Variants in PRDM4 observed in about 807,000 individuals in gnomAD.
PRDM4 encodes the protein PR domain zinc finger protein 4.
In PRDM4, 38 loss-of-function variants were observed where a neutral mutation model predicts 62.3. That is an observed-to-expected ratio of 0.61 (90% CI 0.47 to 0.80). The LOEUF is 0.80. Among genes scored for constraint, PRDM4 ranks in the 30% least tolerant of loss-of-function variants. PRDM4 has a pLI of 0.00. For missense variants in PRDM4, 858 were observed against 997.1 expected (o/e 0.86, Z 1.88); for synonymous variants, 339 against 348.2 (o/e 0.97, Z 0.30).
intron 6 of PRDM4, 61 bp downstream of exon 6, chr12:107,746,214 C>A: frequency 6.3e-7 from 1 of 1,575,064 alleles, no homozygotes; most frequent in South Asian, 1.2e-5. Context: ...TCCACTTTTA[C>A]AACTCTACGC....
chr12:107,740,794 G>A (rs1890492941), intron 10 of PRDM4, 152 bp downstream of exon 10: 1 of 775,758 alleles, frequency 1.3e-6, no homozygotes, highest in East Asian at 2.7e-5. Context: ...ATAATTGGAA[G>A]TGACAGCCTC....
At position 107,733,426 on chromosome 12, in the gene PRDM4, T is replaced by G. The variant is rs964888153; in HGVS notation, c.*784A>C. 1 of 152,212 alleles carries G rather than the reference T, an allele frequency of 6.6e-6. No individual in the cohort carries two copies. Among genetic ancestry groups the G allele is most frequent in the Non-Finnish European group, 1.5e-5 (1 of 68,072 alleles). The allele number at this position is 152,212 out of a possible 1,614,324, so 9.4% of individuals were successfully genotyped here. Reference sequence around the variant, plus strand: ...TCTGTATCTCCAGGCCCCCTTTGTCTGAATGGCTGGATGTTTACTGGAGAC... The same window carrying G: ...TCTGTATCTCCAGGCCCCCTTTGTCGGAATGGCTGGATGTTTACTGGAGAC... On this transcript the variant is annotated 3_prime_UTR_variant, in exon 12 of 12. Transcript: ENST00000228437.
At chr12:107,742,011 G>A (rs999962863) in intron 9 of PRDM4, among the ~76,000 whole-genome samples, 5 of 152,126 alleles carry the variant, frequency 3.3e-5, no homozygotes, top group South Asian at 2.1e-4. Context: ...ATAAAAGACC[G>A]TATCATATGA....
At chr12:107,738,056 C>T (rs1890389923) in intron 11 of PRDM4, 1 of 152,184 alleles carries the variant, frequency 6.6e-6, no homozygotes, top group Non-Finnish European at 1.5e-5. Context: ...AGGCTGGAGT[C>T]AGAGATCAGG....
In PRDM4 at chr12:107,760,684, G is replaced by A; in HGVS notation, c.-169C>T. On this transcript the variant is annotated 5_prime_UTR_variant, in exon 2 of 12. Coordinates refer to ENST00000228437, the MANE Select transcript of PRDM4 (RefSeq NM_012406.4). ...GCCGCCCAACTTCTCCCGAGGGCCG[G>A]TGGCCGTGCACCCCGCCACGGGTTG... The A allele has an allele frequency of 1.4e-6, 1 of 733,822 alleles. No individual in the cohort carries two copies. Among genetic ancestry groups the A allele is most frequent in the South Asian group, 1.8e-5 (1 of 54,080 alleles). The allele number at this position is 733,822 out of a possible 1,614,324, so 45.5% of individuals were successfully genotyped here.
chr12:107,744,407 T>C (rs1338905819), intron 7 of PRDM4, 136 bp downstream of exon 7: 9 of 990,388 alleles, frequency 9.1e-6, no homozygotes, highest in Non-Finnish European at 1.3e-5. Context: ...TTTAAAAAAA[T>C]GTACGTGAAA....
chr12:107,735,766 T>G (rs1890308574), intron 11 of PRDM4, among the ~76,000 whole-genome samples: 1 of 151,794 alleles, frequency 6.6e-6, no homozygotes, highest in Non-Finnish European at 1.5e-5. Context: ...TTAGCTTTTT[T>G]TTTTTTTTTG....
At chr12:107,750,469 A>G (rs1012220818) in intron 5 of PRDM4, among the ~76,000 whole-genome samples, 1 of 152,128 alleles carries the variant, frequency 6.6e-6, no homozygotes, top group African/African-American at 2.4e-5. Context: ...ACTTGAGCCC[A>G]GGAGGTCGAG....
chr12:107,738,647 A>G (rs973606466), intron 11 of PRDM4, among the ~76,000 whole-genome samples: 1 of 152,180 alleles, frequency 6.6e-6, no homozygotes, highest in Non-Finnish European at 1.5e-5. Flanking sequence ...GGATTCATGC[A>G]ATAAATACCT....
chr12:107,756,531 C>G (rs1891071291), intron 3 of PRDM4, among the ~76,000 whole-genome samples: 1 of 152,144 alleles, frequency 6.6e-6, no homozygotes, highest in Non-Finnish European at 1.5e-5. Context: ...AAGTGTGAAC[C>G]AGATGAATGG....
chr12:107,744,496 C>T, intron 7 of PRDM4, 47 bp downstream of exon 7: 2 of 1,586,768 alleles, frequency 1.3e-6, no homozygotes, highest in Non-Finnish European at 1.7e-6. Context: ...CTACCTCTTA[C>T]TAAGAAAAAC....
At position 107,756,873 on chromosome 12, in the gene PRDM4, C is replaced by T. The variant is rs1891081227; in HGVS notation, c.104G>A (p.Gly35Glu). The part of the protein sequence containing the change: ...NALPVSGSHL[G>E]LAASPTHSAI... ...ACTGTGAGTGGGTGAGGCAGCCAAT[C>T]CCAGGTGACTTCCTGAGACTGGCAA... The change falls in exon 3 of 12, where the codon GGA (glycine) becomes GAA (glutamate). Residue 35 changes from glycine to glutamate, a missense_variant. Physicochemically the swap from Gly to Glu is moderately conservative, Grantham distance 98. This residue lies in a region of PRDM4 where 499 missense variants were observed against 546.7 expected (regional missense o/e 0.91). Transcript: ENST00000228437. The T allele has an allele frequency of 6.2e-7, 1 of 1,614,034 alleles. No homozygotes were observed. Among genetic ancestry groups the T allele is most frequent in the Admixed American group, 1.7e-5 (1 of 60,002 alleles).
At position 107,752,023 on chromosome 12, in the gene PRDM4, T is replaced by A; in HGVS notation, c.518A>T (p.His173Leu). The stretch of plus-strand genomic sequence containing the variant: ...ACTGGGATGAAGACTTTGGGCACCA[T>A]GTGTGTTCACAGAGCGAGAGTCTAT... ...VSIDSRSVNT[H>L]GAQSLHPSDG... Residue 173 changes from histidine to leucine, a missense_variant, in exon 5 of 12, where the codon CAT becomes CTT. His to Leu is a moderately conservative substitution (Grantham distance 99). Coordinates refer to ENST00000228437, the MANE Select transcript of PRDM4 (RefSeq NM_012406.4). 6.2e-7 allele frequency: 1 copy of A among 1,614,192 alleles called. No homozygotes were observed. Among genetic ancestry groups the A allele is most frequent in the Non-Finnish European group, 8.5e-7 (1 of 1,180,000 alleles).
Position 107,733,004 on chromosome 12 carries a change from G to A in PRDM4, c.*1206C>T, listed in dbSNP as rs1382831579. The A allele has an allele frequency of 6.6e-6, 1 of 152,658 alleles. No homozygotes were observed. The highest frequency in any genetic ancestry group is 2.4e-5 in the African/African-American group (1 of 41,452). 9.5% of individuals were successfully genotyped at this position (152,658 alleles called of 1,614,324 possible). On this transcript the variant is annotated 3_prime_UTR_variant, in exon 12 of 12. Transcript: ENST00000228437. ...TACTCCAGCCCAGAGGTTGTGCCTT[G>A]AGCAGGAGAGCATGTTCCATCAATC...
At chr12:107,739,784 A>G in intron 10 of PRDM4, 1 of 332,676 alleles carries the variant, frequency 3.0e-6, no homozygotes, top group Admixed American at 4.5e-5. Flanking sequence ...TCTGACCTAA[A>G]TATGTATTTT....
intron 11 of PRDM4, 73 bp downstream of exon 11, chr12:107,739,310 A>G (rs1566092509): frequency 2.4e-5 from 36 of 1,524,956 alleles, no homozygotes; most frequent in Middle Eastern, 2.4e-4. Flanking sequence ...CAGCCCTTCA[A>G]TCAGCAGGTG....
chr12:107,751,823 C>G lies in PRDM4; in HGVS notation c.718G>C (p.Val240Leu), dbSNP rs371572207. Reference protein sequence around the residue: ...RSHEPLSVDSVSNNLAADAVG... With the variant: ...RSHEPLSVDSLSNNLAADAVG... ...GCGTCTGCTGCAAGGTTGTTGCTCA[C>G]AGAATCCACAGACAGAGGTTCATGA... Residue 240 changes from valine to leucine, a missense_variant, in exon 5 of 12, where the codon GTG becomes CTG. This residue lies in a region of PRDM4 where 499 missense variants were observed against 546.7 expected (regional missense o/e 0.91). Transcript: ENST00000228437. The G allele has an allele frequency of 6.2e-6, 10 of 1,614,256 alleles. No individual in the cohort carries two copies. The highest frequency in any genetic ancestry group is 1.1e-5 in the South Asian group (1 of 91,088).
At chr12:107,757,007 C>G (rs748147713) in intron 2 of PRDM4, 42 bp from the exon 3 acceptor site, 1 of 1,603,176 alleles carries the variant, frequency 6.2e-7, no homozygotes, top group South Asian at 1.1e-5. Context: ...AAAATTTACT[C>G]CAATGACTCT....
In PRDM4 at chr12:107,743,185, G is replaced by A. The variant is rs1487180879; in HGVS notation, c.1481+12C>T. ...ATGGTAACTATTTTTTCTCATCCAA[G>A]ACTACTCATACCTGGCTTTGCGCAC... On this transcript the variant is annotated intron_variant, in intron 8 of 11. Coordinates refer to ENST00000228437, the MANE Select transcript of PRDM4 (RefSeq NM_012406.4). The A allele has an allele frequency of 3.8e-6, 6 of 1,584,696 alleles. No homozygotes were observed. The highest frequency in any genetic ancestry group is 2.2e-5 in the East Asian group (1 of 44,742).
Sources: gnomAD v4.1 joint callset for allele counts (sites outside exome capture counted in the v4.1 genomes callset) on GRCh38, gnomAD v4.1.1 for gene constraint, gnomAD v4.1.1 regional missense constraint, MANE v1.5 for transcripts, NCBI Gene and HGNC (gene_info 2026-07-23, HGNC 2026-07-21) for gene names.